The following HTT variants were observed in gnomAD, a reference collection of about 807,000 sequenced individuals.
HTT encodes huntingtin.
A neutral mutation model predicts 362.3 loss-of-function variants in HTT; 104 were observed. That is an observed-to-expected ratio of 0.29 (90% CI 0.24 to 0.34). The LOEUF (loss-of-function observed/expected upper bound fraction) is 0.34. Among genes scored for constraint, HTT ranks in the 10% least tolerant of loss-of-function variants. HTT has a pLI of 1.00. For missense variants in HTT, 3,301 were observed against 3,928.6 expected (o/e 0.84, Z 4.27); for synonymous variants, 1,577 against 1,548.7 (o/e 1.02, Z -0.43).
chr4:3,119,517 T>C (rs997727394), intron 8 of HTT, among the ~76,000 whole-genome samples: 12 of 152,356 alleles, frequency 7.9e-5, no homozygotes, highest in African/African-American at 2.9e-4. Context: ...ATTATTGCAG[T>C]GAATAACATT....
At chr4:3,207,426 G>T in intron 45 of HTT, 69 bp downstream of exon 45, 1 of 1,288,254 alleles carries the variant, frequency 7.8e-7, no homozygotes, top group South Asian at 1.3e-5. Context: ...AGATTTGTAC[G>T]GGAATAAATT....
In HTT at chr4:3,127,257, T is replaced by A. The variant is rs772573247; in HGVS notation, c.1403-7T>A. The A allele has an allele frequency of 1.2e-6, 2 of 1,602,484 alleles. No homozygotes were observed. The highest frequency in any genetic ancestry group is 4.5e-5 in the East Asian group (2 of 44,678). ...CATTTGACAAATGAGTGTTTCTCTG[T>A]CTTCAGCCTCAGTGAAGGATGAGAT... On this transcript the variant is annotated splice_polypyrimidine_tract_variant and splice_region_variant and intron_variant, in intron 11 of 66. Coordinates refer to ENST00000355072, the MANE Select transcript of HTT (RefSeq NM_001388492.1).
At chr4:3,229,643 GCA>G (rs957485244) in intron 59 of HTT, among the ~76,000 whole-genome samples, 14 of 148,958 alleles carry the variant, frequency 9.4e-5, no homozygotes, top group South Asian at 4.3e-4. Context: ...CACCACATGC[GCA>G]CACACACACC....
At chr4:3,165,415 C>A (rs1717651578) in intron 29 of HTT, among the ~76,000 whole-genome samples, 1 of 152,062 alleles carries the variant, frequency 6.6e-6, no homozygotes, top group Admixed American at 6.6e-5. Context: ...CGAGGAGTAT[C>A]TTTGTGGTGT....
At position 3,129,772 on chromosome 4, in the gene HTT, G is replaced by A. The variant is rs148554258; in HGVS notation, c.1744-152G>A. On this transcript the variant is annotated intron_variant, in intron 12 of 66. Coordinates refer to ENST00000355072, the MANE Select transcript of HTT (RefSeq NM_001388492.1). ...AGTAAGCTCTTAGCAGTTTCCATGC[G>A]TGCATTTCTGTGCCTTGAAATAAAT... is the stretch of plus-strand genomic sequence containing the variant. The A allele has an allele frequency of 2.9e-4, 239 of 825,200 alleles. 3 individuals carry two copies. In the East Asian group the frequency reaches 5.6e-3, roughly 19 times the overall value. 51.1% of individuals were successfully genotyped at this position (825,200 alleles called of 1,614,324 possible). A position where few individuals can be genotyped will look rare whatever the true frequency, so the allele number is the denominator to read the frequency against.
rs907435541 is a variant in HTT, at chr4:3,241,993, C to T, written c.*1934C>T. ...TCCTGTTTCTCATCCTAGCTTTTTCCTGGAAAGCCCGCTAGAAGGTTTGGG... is the reference window on the plus strand; with the variant it reads ...TCCTGTTTCTCATCCTAGCTTTTTCTTGGAAAGCCCGCTAGAAGGTTTGGG... On this transcript the variant is annotated 3_prime_UTR_variant, in exon 67 of 67. Transcript: ENST00000355072. The T allele has an allele frequency of 7.9e-5, 12 of 152,102 alleles. No individual in the cohort carries two copies. The highest frequency in any genetic ancestry group is 2.7e-4 in the African/African-American group (11 of 41,400). 9.4% of individuals were successfully genotyped at this position (152,102 alleles called of 1,614,324 possible).
At chr4:3,207,572 G>A (rs922672764) in intron 45 of HTT, among the ~76,000 whole-genome samples, 4 of 152,222 alleles carry the variant, frequency 2.6e-5, no homozygotes, top group Non-Finnish European at 4.4e-5. Context: ...CGTCTGTGAC[G>A]TGAGTGGAGG....
intron 26 of HTT, among the ~76,000 whole-genome samples, chr4:3,148,607 C>T (rs1397397060): frequency 6.6e-6 from 1 of 152,148 alleles, no homozygotes; most frequent in African/African-American, 2.4e-5. Flanking sequence ...ACCATCCTGG[C>T]TAACACAGTG....
chr4:3,182,271 TG>T, intron 36 of HTT, 82 bp from the exon 37 acceptor site: 1 of 844,732 alleles, frequency 1.2e-6, no homozygotes, highest in Non-Finnish European at 2.0e-6. Context: ...CCAGCTGAAC[TG>T]GGACAAGTAT....
At chr4:3,168,625 A>C (rs1245728706) in intron 29 of HTT, among the ~76,000 whole-genome samples, 1 of 152,164 alleles carries the variant, frequency 6.6e-6, no homozygotes, top group African/African-American at 2.4e-5. Context: ...TATATTATAG[A>C]CGATTTTTCA....
intron 35 of HTT, among the ~76,000 whole-genome samples, chr4:3,178,686 C>T (rs896979659): frequency 6.6e-6 from 1 of 152,110 alleles, no homozygotes; most frequent in African/African-American, 2.4e-5. Flanking sequence ...AGTAAGATAA[C>T]CTAAGGTACA....
intron 2 of HTT, among the ~76,000 whole-genome samples, chr4:3,095,179 T>A (rs1296138267): frequency 1.3e-5 from 2 of 152,292 alleles, no homozygotes; most frequent in South Asian, 4.1e-4. Context: ...GGCAGGCGGC[T>A]GGGAGGTGAA....
At position 3,095,350 on chromosome 4, in the gene HTT, C is replaced by A. The variant is rs57294059; in HGVS notation, c.348-3924C>A. Among the ~76,000 whole-genome samples the A allele has an allele frequency of 4.1e-3, 622 of 152,342 alleles. 4 individuals carry two copies. Among genetic ancestry groups the A allele is most frequent in the African/African-American group, 0.014 (594 of 41,576 alleles). On this transcript the variant is annotated intron_variant, in intron 2 of 66. Coordinates refer to ENST00000355072, the MANE Select transcript of HTT (RefSeq NM_001388492.1). ...GACCAGCCCGGCCAACACGGCGAAA[C>A]CCCGTCTCCACCAAAAAACACGAAA...
intron 1 of HTT, among the ~76,000 whole-genome samples, chr4:3,075,991 C>T (rs1712527678): frequency 6.6e-6 from 1 of 151,992 alleles, no homozygotes; most frequent in Non-Finnish European, 1.5e-5. Context: ...AGGTTAATTG[C>T]CGAGGGATGA....
chr4:3,204,638 G>A (rs1335962064), intron 42 of HTT, among the ~76,000 whole-genome samples: 1 of 152,084 alleles, frequency 6.6e-6, no homozygotes, highest in African/African-American at 2.4e-5. Context: ...ACAAGCCTGG[G>A]CTATGGTGTG....
rs1319951523 is a variant in HTT at position 3,239,959 on chromosome 4, G to A, written c.9329G>A (p.Arg3110Lys). 2 of 1,594,126 alleles carry A rather than the reference G, an allele frequency of 1.3e-6. No homozygotes were observed. Among genetic ancestry groups the A allele is most frequent in the Admixed American group, 3.5e-5 (2 of 57,236 alleles). ...RHQIEEELDR[R>K]AFQSVLEVVA... ...CAGATAGAGGAGGAGCTCGACCGCA[G>A]GGCCTTCCAGTCTGTGCTTGAGGTG... Residue 3110 changes from arginine (R) to lysine (K), a missense_variant, in exon 67 of 67, where the codon AGG becomes AAG. By Grantham distance (26) the Arg-to-Lys change is conservative. Coordinates refer to ENST00000355072, the MANE Select transcript of HTT (RefSeq NM_001388492.1).
chr4:3,076,675 C>T (rs1233435608), intron 1 of HTT, among the ~76,000 whole-genome samples: 2 of 152,154 alleles, frequency 1.3e-5, no homozygotes, highest in African/African-American at 4.8e-5. Flanking sequence ...CTAAACAGGG[C>T]TCCTGATGGG....
intron 35 of HTT, among the ~76,000 whole-genome samples, 172 bp downstream of exon 35, chr4:3,178,618 A>G (rs1718355614): frequency 6.6e-6 from 1 of 152,206 alleles, no homozygotes; most frequent in Admixed American, 6.5e-5. Context: ...AAGAGAAGAG[A>G]GCATATTCTT....
chr4:3,085,025 A>G (rs1713132680), intron 1 of HTT, among the ~76,000 whole-genome samples: 1 of 152,040 alleles, frequency 6.6e-6, no homozygotes, highest in African/African-American at 2.4e-5. Flanking sequence ...GGGGAAAAAA[A>G]AAAATAAATA....
Sources: allele counts gnomAD v4.1 joint callset (sites outside exome capture counted in the v4.1 genomes callset), GRCh38; gene constraint gnomAD v4.1.1; transcripts MANE v1.5; gene names NCBI Gene and HGNC (gene_info 2026-07-23, HGNC 2026-07-21).